The following PTPRD variants were observed in gnomAD, a reference collection of about 807,000 sequenced individuals.
The protein encoded by PTPRD is protein tyrosine phosphatase receptor type D, also known as receptor-type tyrosine-protein phosphatase delta.
Under a neutral mutation model 214.5 loss-of-function variants are expected in PTPRD, and 34 were observed. The observed-to-expected ratio is 0.16, with a 90% confidence interval of 0.12 to 0.21. The LOEUF (loss-of-function observed/expected upper bound fraction) is 0.21. PTPRD is among the 10% of genes least tolerant of loss of function. PTPRD has a pLI of 1.00. For synonymous variants in PTPRD, 1,128 were observed against 845.7 expected, an observed-to-expected ratio of 1.33 and a Z score of -5.79; for missense variants, 2,545 against 2,398.7, an observed-to-expected ratio of 1.06 and a Z score of -1.27.
intron 2 of PTPRD, among the ~76,000 whole-genome samples, chr9:10,342,474 C>T (rs1005280102): frequency 2.6e-5 from 4 of 151,956 alleles, no homozygotes; most frequent in Non-Finnish European, 5.9e-5. Flanking sequence ...ATGACTGTTA[C>T]TGAATCTTTG....
At chr9:9,674,701 T>C (rs2096896231) in intron 7 of PTPRD, among the ~76,000 whole-genome samples, 3 of 151,898 alleles carry the variant, frequency 2.0e-5, no homozygotes, top group Middle Eastern at 6.8e-3. Context: ...GATAAAAAGA[T>C]CGTTAGGGTA....
intron 3 of PTPRD, among the ~76,000 whole-genome samples, chr9:10,330,067 C>CT (rs905768317): frequency 6.6e-6 from 1 of 151,560 alleles, no homozygotes; most frequent in African/African-American, 2.4e-5. Flanking sequence ...GAAAATTGTG[C>CT]TTTTTTTATT....
At chr9:8,649,545 A>G (rs2096763445) in intron 12 of PTPRD, among the ~76,000 whole-genome samples, 1 of 152,238 alleles carries the variant, frequency 6.6e-6, no homozygotes, top group African/African-American at 2.4e-5. Context: ...ACTTTCAATG[A>G]GTAATAAAAC....
chr9:9,727,922 G>T (rs1256343853), intron 7 of PTPRD, among the ~76,000 whole-genome samples: 1 of 152,016 alleles, frequency 6.6e-6, no homozygotes, highest in Admixed American at 6.6e-5. Flanking sequence ...ATATGATTTG[G>T]CTGTGTTCTC....
chr9:9,004,034 T>C (rs1311784242), intron 11 of PTPRD, among the ~76,000 whole-genome samples: 5 of 152,088 alleles, frequency 3.3e-5, no homozygotes, highest in Non-Finnish European at 5.9e-5. Context: ...ATACTGAGTA[T>C]TCTTGTGCTT....
At chr9:9,083,828 T>C (rs958165269) in intron 10 of PTPRD, among the ~76,000 whole-genome samples, 3 of 152,046 alleles carry the variant, frequency 2.0e-5, no homozygotes, top group African/African-American at 7.2e-5. Context: ...GTTATTACAG[T>C]AATGCAAATC....
intron 10 of PTPRD, among the ~76,000 whole-genome samples, chr9:9,040,821 T>G (rs1012085360): frequency 6.6e-6 from 1 of 152,196 alleles, no homozygotes; most frequent in African/African-American, 2.4e-5. Context: ...CAGCTAATGT[T>G]GCTTGCTGGG....
chr9:8,981,487 AAT>A (rs1159662916), intron 11 of PTPRD, among the ~76,000 whole-genome samples: 2 of 152,070 alleles, frequency 1.3e-5, no homozygotes, highest in African/African-American at 2.4e-5. Flanking sequence ...TTGGATTTTC[AAT>A]AAGTTGAAAA....
chr9:8,604,009 T>C (rs951354080), intron 14 of PTPRD, among the ~76,000 whole-genome samples: 2 of 152,196 alleles, frequency 1.3e-5, no homozygotes, highest in East Asian at 3.9e-4. Context: ...CACAACTACA[T>C]ATATCCAAAA....
intron 14 of PTPRD, among the ~76,000 whole-genome samples, chr9:8,632,208 TA>T (rs1449756683): frequency 6.6e-6 from 1 of 151,492 alleles, no homozygotes; most frequent in Non-Finnish European, 1.5e-5. Flanking sequence ...CATTACTAAT[TA>T]CTGCTGGCCT....
chr9:9,896,095 TTC>T (rs1046414063), intron 5 of PTPRD, among the ~76,000 whole-genome samples: 4 of 152,038 alleles, frequency 2.6e-5, no homozygotes, highest in Non-Finnish European at 4.4e-5. Flanking sequence ...AGCTTTTATT[TTC>T]TCTTTGGGAG....
chr9:9,106,757 A>C lies in PTPRD; in HGVS notation c.-143+76547T>G, dbSNP rs534301362. 3.6e-4 allele frequency among the ~76,000 whole-genome samples: 55 copies of C among 152,226 alleles called. No homozygotes were observed. The South Asian group carries it at 0.011, about 30-fold the overall frequency. On this transcript the variant is annotated intron_variant, in intron 10 of 45. Transcript: ENST00000381196. ...ATGCTCATTTAAAAAATTTCAATAC[A>C]TGATAGTTGTTCTTTCTCCATGTAT...
At chr9:8,628,838 C>G (rs577212655) in intron 14 of PTPRD, among the ~76,000 whole-genome samples, 1 of 151,840 alleles carries the variant, frequency 6.6e-6, no homozygotes, top group East Asian at 1.9e-4. Context: ...ATTTGCTAAA[C>G]TAGGTAACTA....
At chr9:9,569,427 AAAGCTGACATATTAG>A (rs2085648057) in intron 8 of PTPRD, among the ~76,000 whole-genome samples, 1 of 151,856 alleles carries the variant, frequency 6.6e-6, no homozygotes, top group Non-Finnish European at 1.5e-5. Context: ...TCTGTCATGT[AAAGCTGACATATTAG>A]AAGCTGAATT....
At chr9:9,155,728 C>T (rs553119056) in intron 10 of PTPRD, among the ~76,000 whole-genome samples, 2 of 152,280 alleles carry the variant, frequency 1.3e-5, no homozygotes, top group South Asian at 4.1e-4. Context: ...CATCGACCTA[C>T]ATCAAATGCC....
At chr9:9,891,011 G>T (rs2153777476) in intron 5 of PTPRD, among the ~76,000 whole-genome samples, 1 of 152,204 alleles carries the variant, frequency 6.6e-6, no homozygotes, top group East Asian at 1.9e-4. Context: ...GGAAATGCAA[G>T]TTGATTTTTT....
At chr9:9,398,331 C>A (rs904599509) in intron 8 of PTPRD, among the ~76,000 whole-genome samples, 2 of 151,920 alleles carry the variant, frequency 1.3e-5, no homozygotes, top group Non-Finnish European at 2.9e-5. Context: ...GTGTGTTTAG[C>A]CCATATTGGT....
intron 2 of PTPRD, among the ~76,000 whole-genome samples, chr9:10,585,078 T>C (rs1366395063): frequency 1.3e-5 from 2 of 152,124 alleles, no homozygotes; most frequent in African/African-American, 2.4e-5. Flanking sequence ...CTTAAATAAA[T>C]TGTGAAATAG....
chr9:8,900,988 T>C (rs2098664142), intron 11 of PTPRD, among the ~76,000 whole-genome samples: 1 of 152,114 alleles, frequency 6.6e-6, no homozygotes, highest in South Asian at 2.1e-4. Context: ...TACATGATGA[T>C]AGCATTGATA....
Sources: gnomAD v4.1 joint callset for allele counts (sites outside exome capture counted in the v4.1 genomes callset) on GRCh38, gnomAD v4.1.1 for gene constraint, MANE v1.5 for transcripts, NCBI Gene and HGNC (gene_info 2026-07-23, HGNC 2026-07-21) for gene names.